The following CTIF variants were observed in gnomAD, a reference collection of about 807,000 sequenced individuals.
CTIF encodes the protein cap binding complex dependent translation initiation factor.
CTIF carries 21 observed loss-of-function variants against 66.0 expected under a neutral mutation model. That is an observed-to-expected ratio of 0.32 (90% CI 0.23 to 0.46). The LOEUF is 0.46. CTIF is among the 20% of genes least tolerant of loss of function. The pLI is 1.00. For synonymous variants in CTIF, 345 were observed against 326.4 expected (o/e 1.06, Z -0.62); for missense variants, 739 against 812.7 (o/e 0.91, Z 1.10).
At chr18:48,826,118 G>A (rs2068577248) in intron 10 of CTIF, 1 of 152,208 alleles carries the variant, frequency 6.6e-6, no homozygotes, top group African/African-American at 2.4e-5. Flanking sequence ...TTTCTTATCT[G>A]TAGCATAGGA....
chr18:48,810,683 T>C (rs2068240765), intron 9 of CTIF, among the ~76,000 whole-genome samples: 1 of 151,838 alleles, frequency 6.6e-6, no homozygotes, highest in African/African-American at 2.4e-5. Context: ...TATTTCCTGA[T>C]ATAATTCTTC....
chr18:48,704,267 T>C (rs542456084), intron 6 of CTIF, among the ~76,000 whole-genome samples: 21 of 152,176 alleles, frequency 1.4e-4, no homozygotes, highest in Non-Finnish European at 2.4e-4. Context: ...TGGGCCTCTG[T>C]GGGCAACTTC....
chr18:48,751,704 T>C (rs1351398932), intron 7 of CTIF, among the ~76,000 whole-genome samples: 4 of 152,144 alleles, frequency 2.6e-5, no homozygotes, highest in Non-Finnish European at 1.5e-5. Flanking sequence ...CCTGCTCAGG[T>C]CTGGACCTTA....
intron 7 of CTIF, among the ~76,000 whole-genome samples, chr18:48,714,912 A>G (rs2092264873): frequency 6.6e-6 from 1 of 152,240 alleles, no homozygotes; most frequent in Non-Finnish European, 1.5e-5. Context: ...ACACGGTCTT[A>G]GTGTTGGCCC....
At chr18:48,847,835 T>C (rs1287615975) in intron 10 of CTIF, among the ~76,000 whole-genome samples, 1 of 152,214 alleles carries the variant, frequency 6.6e-6, no homozygotes, top group Non-Finnish European at 1.5e-5. Flanking sequence ...CCAAGCCTGA[T>C]GCCCATTTTT....
chr18:48,798,201 G>A (rs886529001), intron 9 of CTIF, among the ~76,000 whole-genome samples: 8 of 152,184 alleles, frequency 5.3e-5, no homozygotes, highest in African/African-American at 7.2e-5. Context: ...TCTGGTAAAC[G>A]CAGTTGAATT....
chr18:48,844,618 G>A (rs1302424093), intron 10 of CTIF, among the ~76,000 whole-genome samples: 1 of 152,166 alleles, frequency 6.6e-6, no homozygotes, highest in Non-Finnish European at 1.5e-5. Flanking sequence ...CAGACCACAG[G>A]GCACAAGCTT....
intron 1 of CTIF, among the ~76,000 whole-genome samples, chr18:48,598,269 G>A (rs9789209): frequency 0.048 from 7,236 of 152,272 alleles, 204 homozygotes; most frequent in Middle Eastern, 0.14. Flanking sequence ...AGTCACAAAC[G>A]AACAATCAAA....
chr18:48,551,526 T>A lies in CTIF; in HGVS notation c.-29+12214T>A, dbSNP rs185793256. ...AGCCATGGATACTAATACACATGCATTGTGTGTTATGCTTGTGTTTAGGAC... is the reference window on the plus strand; with the variant it reads ...AGCCATGGATACTAATACACATGCAATGTGTGTTATGCTTGTGTTTAGGAC... On this transcript the variant is annotated intron_variant, in intron 1 of 11. Transcript: ENST00000256413. 9.4e-4 allele frequency among the ~76,000 whole-genome samples: 143 copies of A among 152,266 alleles called. 2 individuals carry two copies. The highest frequency in any genetic ancestry group is 3.3e-3 in the African/African-American group (136 of 41,550).
rs980388795 is a variant in CTIF, at chr18:48,861,710, G to A, written c.*2151G>A. 1.3e-5 allele frequency: 2 copies of A among 152,342 alleles called. No individual in the cohort carries two copies. Among genetic ancestry groups the A allele is most frequent in the Non-Finnish European group, 2.9e-5 (2 of 68,124 alleles). 9.4% of individuals were successfully genotyped at this position (152,342 alleles called of 1,614,324 possible). On this transcript the variant is annotated 3_prime_UTR_variant, in exon 12 of 12. Transcript: ENST00000256413. ...TGAGCTCAGAGCAAGCTTCACGCAG[G>A]ACGCTCCGAAACACTGTGTGGAGGG...
At chr18:48,681,810 T>A (rs755787118) in intron 6 of CTIF, among the ~76,000 whole-genome samples, 15 of 151,770 alleles carry the variant, frequency 9.9e-5, no homozygotes, top group African/African-American at 1.2e-4. Context: ...TTTGAGATGG[T>A]GTTTCACTCT....
chr18:48,557,750 G>C (rs1393985371), intron 1 of CTIF, among the ~76,000 whole-genome samples: 1 of 152,250 alleles, frequency 6.6e-6, no homozygotes, highest in Non-Finnish European at 1.5e-5. Flanking sequence ...GGTAAATTCA[G>C]TTTCTGGTGA....
At chr18:48,715,210 G>A (rs2092268054) in intron 7 of CTIF, among the ~76,000 whole-genome samples, 1 of 152,074 alleles carries the variant, frequency 6.6e-6, no homozygotes, top group African/African-American at 2.4e-5. Context: ...CTGATGCCAT[G>A]GGCTGCGTCT....
chr18:48,859,288 G>A, intron 11 of CTIF, 56 bp from the exon 12 acceptor site: 1 of 1,482,070 alleles, frequency 6.7e-7, no homozygotes, highest in Non-Finnish European at 9.4e-7. Context: ...AATCAGGGTG[G>A]CCAGTGGGCC....
At chr18:48,645,608 G>A (rs1225638419) in intron 3 of CTIF, among the ~76,000 whole-genome samples, 2 of 152,278 alleles carry the variant, frequency 1.3e-5, no homozygotes, top group East Asian at 1.9e-4. Context: ...TCCTACCCAC[G>A]CCCCATGGTG....
At chr18:48,625,376 TAATTA>T (rs780575618) in intron 2 of CTIF, 32 of 209,330 alleles carry the variant, frequency 1.5e-4, no homozygotes, top group Non-Finnish European at 2.2e-4. Context: ...CAGATATTAA[TAATTA>T]AATTCTCCTG....
chr18:48,812,667 T>A (rs981209067), intron 9 of CTIF, among the ~76,000 whole-genome samples: 2 of 150,146 alleles, frequency 1.3e-5, no homozygotes, highest in African/African-American at 4.9e-5. Flanking sequence ...GGTGGAAGGA[T>A]CACTTGAGCC....
intron 9 of CTIF, among the ~76,000 whole-genome samples, chr18:48,788,212 G>T (rs1911891486): frequency 1.3e-5 from 2 of 152,218 alleles, no homozygotes; most frequent in African/African-American, 4.8e-5. Flanking sequence ...GGGTAGGAAA[G>T]AATCAGTAAC....
chr18:48,553,695 G>A (rs1278356514), intron 1 of CTIF, among the ~76,000 whole-genome samples: 1 of 147,888 alleles, frequency 6.8e-6, no homozygotes, highest in African/African-American at 2.5e-5. Flanking sequence ...TCGCTCTGCC[G>A]CCCAGGCTGG....
Sources: allele counts gnomAD v4.1 joint callset (sites outside exome capture counted in the v4.1 genomes callset), GRCh38; gene constraint gnomAD v4.1.1; transcripts MANE v1.5; gene names NCBI Gene and HGNC (gene_info 2026-07-23, HGNC 2026-07-21).